The following CRHR1 variants were observed in gnomAD, a reference collection of about 807,000 sequenced individuals.
The protein encoded by CRHR1 is corticotropin releasing hormone receptor 1.
In CRHR1, 28 loss-of-function variants were observed where a neutral mutation model predicts 56.0. The ratio of observed to expected loss-of-function variants is 0.50; its 90% CI spans 0.37 to 0.69. The LOEUF is 0.69. Ranked by LOEUF, CRHR1 falls within the 30% of genes least tolerant of loss-of-function variation. The pLI is 0.00. For missense variants in CRHR1, 376 were observed against 548.0 expected, an observed-to-expected ratio of 0.69 and a Z score of 3.13; for synonymous variants, 195 against 216.5, an observed-to-expected ratio of 0.90 and a Z score of 0.87.
At chr17:45,795,235 G>A (rs763981579) in intron 1 of CRHR1, among the ~76,000 whole-genome samples, 1 of 152,100 alleles carries the variant, frequency 6.6e-6, no homozygotes, top group East Asian at 1.9e-4. Flanking sequence ...TGCAATCCAG[G>A]TCCTCTTCCT....
chr17:45,833,693 T>A (rs753609800), intron 10 of CRHR1, 21 bp from the exon 11 acceptor site: 2 of 1,571,802 alleles, frequency 1.3e-6, no homozygotes, highest in Non-Finnish European at 1.7e-6. Context: ...ACTCCGAGCC[T>A]CCCCACCCGC....
chr17:45,817,264 G>A (rs984256699), intron 3 of CRHR1, among the ~76,000 whole-genome samples: 2 of 152,206 alleles, frequency 1.3e-5, no homozygotes, highest in African/African-American at 2.4e-5. Flanking sequence ...GCTCTCCCCT[G>A]TCAATGAGTC....
chr17:45,791,829 C>T (rs985241378), intron 1 of CRHR1, among the ~76,000 whole-genome samples: 2 of 106,122 alleles, frequency 1.9e-5, no homozygotes, highest in Admixed American at 1.1e-4. Context: ...TTCTCTCTCT[C>T]TCTTTCTCTC....
At chr17:45,821,486 G>A (rs372685518) in intron 4 of CRHR1, 46 bp downstream of exon 4, 35 of 1,557,066 alleles carry the variant, frequency 2.2e-5, no homozygotes, top group African/African-American at 5.4e-5. Flanking sequence ...GGGAGTCCAG[G>A]GTCCCCAGCA....
intron 4 of CRHR1, among the ~76,000 whole-genome samples, chr17:45,822,084 CG>C (rs1473219836): frequency 1.3e-5 from 2 of 151,832 alleles, no homozygotes; most frequent in African/African-American, 2.4e-5. Flanking sequence ...ATTTTGTATA[CG>C]TATTCTTTTT....
chr17:45,829,487 C>A, intron 5 of CRHR1, 166 bp downstream of exon 5: 1 of 1,422,012 alleles, frequency 7.0e-7, no homozygotes, highest in Non-Finnish European at 9.6e-7. Flanking sequence ...CTGGCAGAGC[C>A]GCTCTGCCCT....
intron 1 of CRHR1, 66 bp from the exon 2 acceptor site, chr17:45,806,944 G>A: frequency 1.4e-6 from 2 of 1,446,800 alleles, no homozygotes; most frequent in Non-Finnish European, 9.6e-7. Context: ...TTTCCTGGGT[G>A]ATGGAGCAAC....
chr17:45,797,106 G>A (rs1216103400), intron 1 of CRHR1, among the ~76,000 whole-genome samples: 1 of 152,178 alleles, frequency 6.6e-6, no homozygotes, highest in African/African-American at 2.4e-5. Flanking sequence ...TTCTGGGAAA[G>A]AGTGGAGCTG....
intron 10 of CRHR1, 21 bp from the exon 11 acceptor site, chr17:45,833,693 T>TGGGGGGGGCCGC: frequency 6.4e-7 from 1 of 1,571,618 alleles, no homozygotes; most frequent in Non-Finnish European, 8.7e-7. Flanking sequence ...ACTCCGAGCC[T>TGGGGGGGGCCGC]CCCCACCCGC....
intron 1 of CRHR1, among the ~76,000 whole-genome samples, chr17:45,804,915 T>G (rs1171062333): frequency 6.6e-6 from 1 of 151,868 alleles, no homozygotes; most frequent in African/African-American, 2.4e-5. Context: ...CCCGGGTTCA[T>G]GCAATTCTCC....
chr17:45,787,603 C>G (rs2061358589), intron 1 of CRHR1, among the ~76,000 whole-genome samples: 1 of 152,248 alleles, frequency 6.6e-6, no homozygotes, highest in South Asian at 2.1e-4. Flanking sequence ...AAGCACCTGT[C>G]TGGGCACAGC....
At position 45,833,143 on chromosome 17, in the gene CRHR1, G is replaced by T; in HGVS notation, c.776G>T (p.Trp259Leu). 6.2e-7 allele frequency: 1 copy of T among 1,613,984 alleles called. No individual in the cohort carries two copies. The highest frequency in any genetic ancestry group is 8.5e-7 in the Non-Finnish European group (1 of 1,179,856). ...TTTCCTCTGTGGCCTTCTAGGTGCT[G>T]GTTTGGCAAAAGGCCTGGGGTGTAC... The part of the protein sequence containing the change: ...GKLYYDNEKC[W>L]FGKRPGVYTD... Residue 259 changes from tryptophan (W) to leucine (L), a missense_variant, in exon 9 of 13, where the codon TGG becomes TTG. Physicochemically the swap from Trp to Leu is moderately conservative, Grantham distance 61 (BLOSUM62 -2). Around this residue, in one of 2 missense-constraint regions of CRHR1, gnomAD observed 369 missense variants for 519.5 expected, o/e 0.71. Coordinates refer to ENST00000314537, the MANE Select transcript of CRHR1 (RefSeq NM_004382.5).
intron 5 of CRHR1, 142 bp downstream of exon 5, chr17:45,829,463 G>A: frequency 7.3e-7 from 1 of 1,361,266 alleles, no homozygotes; most frequent in African/African-American, 1.5e-5. Flanking sequence ...AGAGTCTCAG[G>A]TCTCTGGGAA....
chr17:45,818,502 G>C (rs1234797622), intron 3 of CRHR1, among the ~76,000 whole-genome samples: 2 of 152,196 alleles, frequency 1.3e-5, no homozygotes, highest in Admixed American at 1.3e-4. Context: ...GACCTTCTGT[G>C]GGCCTCAGTT....
chr17:45,829,611 G>C, intron 5 of CRHR1: 1 of 1,551,044 alleles, frequency 6.4e-7, no homozygotes, highest in Non-Finnish European at 8.7e-7. Context: ...CTGGAGGTGG[G>C]GGCTCCATGG....
At chr17:45,833,319 G>A (rs1297757317) in intron 9 of CRHR1, 109 bp downstream of exon 9, 1 of 1,452,842 alleles carries the variant, frequency 6.9e-7, no homozygotes, top group African/African-American at 1.4e-5. Flanking sequence ...CACCCAAAGA[G>A]GGGGCATGGG....
intron 1 of CRHR1, among the ~76,000 whole-genome samples, chr17:45,801,856 TG>T (rs2061629020): frequency 6.6e-6 from 1 of 152,198 alleles, no homozygotes; most frequent in Non-Finnish European, 1.5e-5. Flanking sequence ...ATGCTTCGAC[TG>T]TAGTTCCCAC....
rs2062293248 is a variant in CRHR1 at position 45,830,908 on chromosome 17, G to A, written c.738G>A (p.Trp246Ter). The change falls in exon 8 of 13, where the codon TGG becomes TGA. Residue 246 changes from tryptophan to a stop codon, truncating the protein, a stop_gained. Coordinates refer to ENST00000314537, the MANE Select transcript of CRHR1 (RefSeq NM_004382.5). LOFTEE classifies it high-confidence loss of function. Reference protein sequence around the residue: ...WGVPFPIIVAWAIGKLYYDNE... With the variant: ...WGVPFPIIVA ...TGCCCTTCCCCATCATTGTGGCCTG[G>A]GCCATTGGGAAGCTGTACTACGACA... The A allele has an allele frequency of 6.2e-7, 1 of 1,613,806 alleles. No individual in the cohort carries two copies. The highest frequency in any genetic ancestry group is 1.3e-5 in the African/African-American group (1 of 74,912).
intron 1 of CRHR1, among the ~76,000 whole-genome samples, chr17:45,787,626 G>T (rs1026581635): frequency 2.0e-5 from 3 of 152,182 alleles, no homozygotes; most frequent in Admixed American, 6.5e-5. Flanking sequence ...TGGCCATTGG[G>T]CAGCCCTCTC....
Sources: gnomAD v4.1 joint callset for allele counts (sites outside exome capture counted in the v4.1 genomes callset) on GRCh38, gnomAD v4.1.1 for gene constraint, gnomAD v4.1.1 regional missense constraint, MANE v1.5 for transcripts, NCBI Gene and HGNC (gene_info 2026-07-23, HGNC 2026-07-21) for gene names.